LSM14A: variants seen among roughly 807,000 people sequenced by gnomAD.
LSM14A encodes the protein LSM14A mRNA processing body assembly factor.
LSM14A carries 14 observed loss-of-function variants against 52.4 expected under a neutral mutation model. The observed-to-expected ratio is 0.27, with a 90% CI of 0.18 to 0.42. LSM14A has a LOEUF of 0.42. Ranked by LOEUF, LSM14A falls within the 10% of genes least tolerant of loss-of-function variation. LSM14A has a pLI of 1.00. For synonymous variants in LSM14A, 185 were observed against 200.3 expected, an observed-to-expected ratio of 0.92 and a Z score of 0.64; for missense variants, 417 against 581.8, an observed-to-expected ratio of 0.72 and a Z score of 2.91.
At chr19:34,212,722 A>G (rs966977072) in intron 4 of LSM14A, among the ~76,000 whole-genome samples, 7 of 152,234 alleles carry the variant, frequency 4.6e-5, no homozygotes, top group Admixed American at 6.5e-5. Flanking sequence ...TGTATCCAGT[A>G]TCACAGTATC....
At chr19:34,224,513 T>C (rs771025721) in intron 9 of LSM14A, among the ~76,000 whole-genome samples, 21 of 152,228 alleles carry the variant, frequency 1.4e-4, no homozygotes, top group Admixed American at 2.6e-4. Flanking sequence ...CATCTTTGTC[T>C]ACGCTCCTGT....
intron 3 of LSM14A, among the ~76,000 whole-genome samples, chr19:34,198,321 A>G (rs573266532): frequency 6.6e-6 from 1 of 152,288 alleles, no homozygotes; most frequent in South Asian, 2.1e-4. Flanking sequence ...AAAAAAGCAA[A>G]CTAAAACTGA....
At chr19:34,202,816 G>A (rs1329467630) in intron 3 of LSM14A, among the ~76,000 whole-genome samples, 4 of 151,982 alleles carry the variant, frequency 2.6e-5, no homozygotes, top group Non-Finnish European at 4.4e-5. Flanking sequence ...CACCACGCCC[G>A]GGTAATTTTT....
intron 3 of LSM14A, among the ~76,000 whole-genome samples, chr19:34,202,126 G>GT (rs113903997): frequency 0.36 from 42,553 of 119,440 alleles, 7,756 homozygotes; most frequent in Non-Finnish European, 0.4. Flanking sequence ...TTTTTAGTAA[G>GT]TTTTTTTTTT....
chr19:34,218,186 A>G (rs2072806815), intron 6 of LSM14A, among the ~76,000 whole-genome samples: 1 of 151,888 alleles, frequency 6.6e-6, no homozygotes, highest in Non-Finnish European at 1.5e-5. Context: ...CTGTATTTTT[A>G]GTAGAGATGG....
chr19:34,192,543 C>A (rs3119814), intron 1 of LSM14A, among the ~76,000 whole-genome samples: 1 of 143,720 alleles, frequency 7.0e-6, no homozygotes, highest in South Asian at 2.2e-4. Flanking sequence ...TTGTTGAGGC[C>A]GGTGTCAAAC....
intron 6 of LSM14A, 27 bp from the exon 7 acceptor site, chr19:34,219,364 C>T: frequency 6.5e-7 from 1 of 1,546,420 alleles, no homozygotes; most frequent in Non-Finnish European, 8.8e-7. Context: ...ATTGAATGTC[C>T]TTTGTATATA....
chr19:34,216,519 G>A (rs1599715289), intron 6 of LSM14A, among the ~76,000 whole-genome samples: 1 of 152,026 alleles, frequency 6.6e-6, no homozygotes, highest in South Asian at 2.1e-4. Flanking sequence ...TAGTGCAGTG[G>A]TGTGATCTCA....
intron 1 of LSM14A, among the ~76,000 whole-genome samples, chr19:34,186,077 T>G (rs10520211): frequency 0.092 from 14,070 of 152,300 alleles, 1,103 homozygotes; most frequent in African/African-American, 0.19. Context: ...GTGTGATTTA[T>G]TCAAGAAATA....
chr19:34,202,737 C>T (rs903951251), intron 3 of LSM14A, among the ~76,000 whole-genome samples: 4 of 152,314 alleles, frequency 2.6e-5, no homozygotes, highest in African/African-American at 9.6e-5. Context: ...TCACTGCAAG[C>T]TCCACCTCCC....
chr19:34,172,582 G>T lies in LSM14A; in HGVS notation c.-61G>T. ...GACGGAGCGAGCGGGCGTGCGGAGC[G>T]GGCGACAGTGGCGTGGGATCTGCCT... On this transcript the variant is annotated 5_prime_UTR_variant, in exon 1 of 10. Coordinates refer to ENST00000544216, the MANE Select transcript of LSM14A (RefSeq NM_015578.4). 1 of 1,482,802 alleles carries T rather than the reference G, an allele frequency of 6.7e-7. No homozygotes were observed. Among genetic ancestry groups the T allele is most frequent in the Middle Eastern group, 1.8e-4 (1 of 5,694 alleles). 91.9% of individuals were successfully genotyped at this position (1,482,802 alleles called of 1,614,324 possible). A position where few individuals can be genotyped will look rare whatever the true frequency, so the allele number is the denominator to read the frequency against.
rs567009190 is a variant in LSM14A at position 34,219,494 on chromosome 19, C to T, written c.885C>T (p.Asp295=). Residue 295 remains aspartate, a synonymous_variant, in exon 7 of 10, where the codon GAC becomes GAT. Transcript: ENST00000544216. ...ATGGGCCAATGAAATTTGAGAAAGA[C>T]TTTGACTTTGAAAGTGCAAATGCAC... ...RRDGPMKFEK[D]FDFESANAQF... The T allele has an allele frequency of 1.6e-5, 26 of 1,613,978 alleles. No individual in the cohort carries two copies. In the East Asian group the frequency reaches 5.1e-4, roughly 32 times the overall value.
chr19:34,225,766 G>A (rs1241510974), intron 9 of LSM14A, among the ~76,000 whole-genome samples: 1 of 152,118 alleles, frequency 6.6e-6, no homozygotes, highest in African/African-American at 2.4e-5. Context: ...TTTCCTTAAG[G>A]GTAATATTGT....
chr19:34,197,966 T>C (rs1175226161), intron 3 of LSM14A, among the ~76,000 whole-genome samples: 1 of 152,078 alleles, frequency 6.6e-6, no homozygotes, highest in Non-Finnish European at 1.5e-5. Flanking sequence ...AGCTCAGTGT[T>C]TTGTTTTTAT....
chr19:34,221,791 T>C (rs1021709790), intron 9 of LSM14A, 53 bp downstream of exon 9: 1 of 1,556,438 alleles, frequency 6.4e-7, no homozygotes, highest in South Asian at 1.2e-5. Flanking sequence ...TTTACAAGAC[T>C]CAAAACATTT....
chr19:34,192,319 G>GTTTTTTTTTTTGTTTTT (rs2070458810), intron 1 of LSM14A, among the ~76,000 whole-genome samples: 1 of 53,410 alleles, frequency 1.9e-5, no homozygotes, highest in African/African-American at 8.1e-5. Context: ...TCTTTTTGTT[G>GTTTTTTTTTTTGTTTTT]TTTTTTTTTT....
At chr19:34,213,838 T>C (rs1034293019) in intron 4 of LSM14A, among the ~76,000 whole-genome samples, 2 of 152,242 alleles carry the variant, frequency 1.3e-5, no homozygotes, top group African/African-American at 4.8e-5. Context: ...CTGGATGCAG[T>C]GGACCGATCT....
chr19:34,202,759 A>G (rs1168592524), intron 3 of LSM14A, among the ~76,000 whole-genome samples: 1 of 152,040 alleles, frequency 6.6e-6, no homozygotes, highest in Non-Finnish European at 1.5e-5. Flanking sequence ...GGTTCACGCC[A>G]TTCTCCTGCC....
chr19:34,199,717 A>G (rs1367120152), intron 3 of LSM14A, among the ~76,000 whole-genome samples: 1 of 152,034 alleles, frequency 6.6e-6, no homozygotes, highest in East Asian at 1.9e-4. Flanking sequence ...TCTAAATACC[A>G]CTCCCCACTA....
Sources: gnomAD v4.1 joint callset for allele counts (sites outside exome capture counted in the v4.1 genomes callset) on GRCh38, gnomAD v4.1.1 for gene constraint, MANE v1.5 for transcripts, NCBI Gene and HGNC (gene_info 2026-07-23, HGNC 2026-07-21) for gene names.